NHS: variants seen among roughly 807,000 people sequenced by gnomAD.
NHS encodes NHS actin remodeling regulator.
Under a neutral mutation model 72.5 loss-of-function variants are expected in NHS, and 5 were observed. The ratio of observed to expected loss-of-function variants is 0.07; its 90% CI spans 0.04 to 0.14. The LOEUF (loss-of-function observed/expected upper bound fraction) is 0.14. Among genes scored for constraint, NHS ranks in the 10% least tolerant of loss-of-function variants. NHS has a pLI of 1.00. For missense variants in NHS, 1,072 were observed against 1,355.7 expected (o/e 0.79, Z 3.29); for synonymous variants, 464 against 547.7 (o/e 0.85, Z 2.13).
chrX:17,375,866 C>T lies in NHS; in HGVS notation c.109C>T (p.Pro37Ser). 1.8e-6 allele frequency: 2 copies of T among 1,114,086 alleles called. No individual in the cohort carries two copies. Among genetic ancestry groups the T allele is most frequent in the Non-Finnish European group, 2.3e-6 (2 of 856,242 alleles). 91.8% of individuals were successfully genotyped at this position (1,114,086 alleles called of 1,213,427 possible). Reference sequence around the variant, plus strand: ...CGGAGGCAGCGCTGAGCCGCCGCCGCCCTTGCAGCCGCCGGGCCGGAGGGA... The same window carrying T: ...CGGAGGCAGCGCTGAGCCGCCGCCGTCCTTGCAGCCGCCGGGCCGGAGGGA... The part of the protein sequence containing the change: ...ASGGSAEPPP[P>S]LQPPGRRDLD... The change falls in exon 1 of 9, where the codon CCC becomes TCC. Residue 37 changes from proline to serine, a missense_variant. Transcript: ENST00000676302.
intron 1 of NHS, chrX:17,686,771 AGG>A (rs779342338): frequency 4.5e-5 from 5 of 111,852 alleles, no homozygotes; most frequent in Non-Finnish European, 9.4e-5. Context: ...GGGTGGGCCC[AGG>A]ACAGGAGTCT....
chrX:17,548,894 C>T, intron 1 of NHS, among the ~76,000 whole-genome samples: 1 of 111,154 alleles, frequency 9.0e-6, no homozygotes, highest in African/African-American at 3.3e-5. Context: ...ATCAAGACAC[C>T]ACCATGCTCT....
chrX:17,692,133 T>C (rs1020721221), intron 2 of NHS, among the ~76,000 whole-genome samples: 5 of 112,028 alleles, frequency 4.5e-5, no homozygotes, highest in Non-Finnish European at 9.4e-5. Context: ...CACTGAAATG[T>C]ATGCATCCAA....
At chrX:17,445,414 C>A (rs2146885075) in intron 1 of NHS, among the ~76,000 whole-genome samples, 1 of 111,577 alleles carries the variant, frequency 9.0e-6, no homozygotes, top group African/African-American at 3.3e-5. Context: ...TAAATGGAAT[C>A]ATTTAGTTTG....
At chrX:17,612,863 C>T (rs184312236) in intron 1 of NHS, among the ~76,000 whole-genome samples, 69 of 111,149 alleles carry the variant, frequency 6.2e-4, no homozygotes, top group African/African-American at 2.2e-3. Context: ...CTCTCTTGTT[C>T]AACCTCAAAC....
chrX:17,670,631 C>CA (rs2066038864), intron 1 of NHS, among the ~76,000 whole-genome samples: 1 of 112,477 alleles, frequency 8.9e-6, no homozygotes, highest in African/African-American at 3.2e-5. Flanking sequence ...GCTGTTTTTG[C>CA]AATGTCAAAT....
At chrX:17,683,171 T>C (rs1263383526) in intron 1 of NHS, among the ~76,000 whole-genome samples, 1 of 112,218 alleles carries the variant, frequency 8.9e-6, no homozygotes, top group Non-Finnish European at 1.9e-5. Flanking sequence ...TTTCCTGCGA[T>C]GGCATTTTCT....
At chrX:17,674,545 CCT>C (rs1034525116) in intron 1 of NHS, among the ~76,000 whole-genome samples, 1 of 111,821 alleles carries the variant, frequency 8.9e-6, no homozygotes, top group Admixed American at 9.5e-5. Context: ...CTGTCTGATC[CCT>C]GTGTGTGGTC....
chrX:17,576,191 A>G (rs2065509878), intron 1 of NHS, among the ~76,000 whole-genome samples: 6 of 111,847 alleles, frequency 5.4e-5, no homozygotes, highest in Admixed American at 4.7e-4. Flanking sequence ...AAATAGTTGA[A>G]TCTCTGACTC....
chrX:17,616,588 AT>A (rs1405375974), intron 1 of NHS, among the ~76,000 whole-genome samples: 1 of 112,636 alleles, frequency 8.9e-6, no homozygotes, highest in Non-Finnish European at 1.9e-5. Flanking sequence ...GATGTTTCAT[AT>A]TTTTTGTATT....
intron 3 of NHS, among the ~76,000 whole-genome samples, chrX:17,713,502 A>G (rs1004239257): frequency 8.9e-6 from 1 of 112,500 alleles, no homozygotes; most frequent in Non-Finnish European, 1.9e-5. Flanking sequence ...GTCAACTGCT[A>G]TAAGTGCCAT....
At chrX:17,388,890 A>G (rs1237204240) in intron 1 of NHS, among the ~76,000 whole-genome samples, 1 of 110,380 alleles carries the variant, frequency 9.1e-6, no homozygotes, top group South Asian at 4.0e-4. Context: ...TGGTAAAAGT[A>G]TTGAGAAGTA....
chrX:17,629,469 A>G (rs969363643), intron 1 of NHS, among the ~76,000 whole-genome samples: 1 of 111,473 alleles, frequency 9.0e-6, no homozygotes, highest in East Asian at 2.8e-4. Flanking sequence ...ATGGAGTACT[A>G]TGTAAACTCT....
intron 1 of NHS, among the ~76,000 whole-genome samples, chrX:17,549,576 C>T (rs1055959114): frequency 1.8e-5 from 2 of 111,853 alleles, no homozygotes; most frequent in Non-Finnish European, 1.9e-5. Context: ...TTCACAGCAG[C>T]GGTGGGTGTG....
At chrX:17,376,883 C>T (rs926199357) in intron 1 of NHS, among the ~76,000 whole-genome samples, 1 of 113,189 alleles carries the variant, frequency 8.8e-6, no homozygotes, top group Admixed American at 9.2e-5. Context: ...GCCTTGCCCT[C>T]GTGTGCGACG....
At chrX:17,472,952 T>C (rs1003343551) in intron 1 of NHS, among the ~76,000 whole-genome samples, 1 of 112,434 alleles carries the variant, frequency 8.9e-6, no homozygotes, top group Admixed American at 9.4e-5. Flanking sequence ...GTCAAAGGAA[T>C]AGAGACCATG....
chrX:17,437,964 G>A (rs1348308051), intron 1 of NHS, among the ~76,000 whole-genome samples: 10 of 111,747 alleles, frequency 8.9e-5, no homozygotes, highest in African/African-American at 3.3e-4. Context: ...TCTGTGCCTA[G>A]GATACATTTC....
In NHS at chrX:17,375,998, A is replaced by T; in HGVS notation, c.241A>T (p.Thr81Ser). 1.9e-6 allele frequency: 2 copies of T among 1,081,003 alleles called. No individual in the cohort carries two copies. The highest frequency in any genetic ancestry group is 8.3e-5 in the East Asian group (2 of 24,079). The allele number at this position is 1,081,003 out of a possible 1,213,427, so 89.1% of individuals were successfully genotyped here. ...PPPLPAPADQ[T>S]QPPHGEASVA... ...GCCACTGCCCGCGCCGGCCGACCAG[A>T]CTCAGCCGCCGCACGGAGAGGCGTC... is the stretch of plus-strand genomic sequence containing the variant. Residue 81 changes from threonine to serine, a missense_variant, in exon 1 of 9, where the codon ACT becomes TCT. Thr to Ser is a moderately conservative substitution (Grantham distance 58). Coordinates refer to ENST00000676302, the MANE Select transcript of NHS (RefSeq NM_001291867.2).
intron 6 of NHS, among the ~76,000 whole-genome samples, 159 bp downstream of exon 6, chrX:17,724,589 C>T (rs1358366235): frequency 3.6e-5 from 4 of 112,349 alleles, no homozygotes; most frequent in African/African-American, 1.3e-4. Flanking sequence ...TACTTTTTAA[C>T]TCTTTATTCT....
Sources: gnomAD v4.1 joint callset for allele counts (sites outside exome capture counted in the v4.1 genomes callset) on GRCh38, gnomAD v4.1.1 for gene constraint, MANE v1.5 for transcripts, NCBI Gene and HGNC (gene_info 2026-07-23, HGNC 2026-07-21) for gene names.